Variants in ANKFN1 observed in about 807,000 individuals in gnomAD.
The protein encoded by ANKFN1 is ankyrin repeat and fibronectin type III domain containing 1, also known as ankyrin repeat and fibronectin type-III domain-containing protein 1.
ANKFN1 carries 74 observed loss-of-function variants against 108.7 expected under a neutral mutation model. The observed-to-expected ratio is 0.68, with a 90% confidence interval of 0.56 to 0.83. The LOEUF (loss-of-function observed/expected upper bound fraction) is 0.83. Among genes scored for constraint, ANKFN1 ranks in the 40% least tolerant of loss-of-function variants. ANKFN1 has a pLI of 0.00. For synonymous variants in ANKFN1, 547 were observed against 516.2 expected (o/e 1.06, Z -0.81); for missense variants, 1,505 against 1,382.3 (o/e 1.09, Z -1.41).
At chr17:56,048,022 C>T (rs1309662425) in intron 4 of ANKFN1, among the ~76,000 whole-genome samples, 1 of 152,220 alleles carries the variant, frequency 6.6e-6, no homozygotes, top group Admixed American at 6.5e-5. Flanking sequence ...CCTGTGCCAT[C>T]TCCCAATCTT....
chr17:56,224,723 T>G (rs975763335), intron 2 of ANKFN1: 3 of 152,116 alleles, frequency 2.0e-5, no homozygotes, highest in African/African-American at 4.8e-5. Flanking sequence ...AATCCCCTGG[T>G]TGAGCACTTG....
intron 4 of ANKFN1, among the ~76,000 whole-genome samples, chr17:56,141,148 A>G (rs1262013671): frequency 6.6e-6 from 1 of 152,166 alleles, no homozygotes; most frequent in South Asian, 2.1e-4. Context: ...GTGTGCTACA[A>G]TCCACCTCTC....
At chr17:56,503,199 G>A (rs752020335) in intron 20 of ANKFN1, among the ~76,000 whole-genome samples, 23 of 151,922 alleles carry the variant, frequency 1.5e-4, no homozygotes, top group Admixed American at 4.6e-4. Context: ...TAGAGGGGAG[G>A]GGGGTGTTGT....
At chr17:56,429,797 G>A (rs556465940) in intron 8 of ANKFN1, among the ~76,000 whole-genome samples, 1 of 152,338 alleles carries the variant, frequency 6.6e-6, no homozygotes, top group East Asian at 1.9e-4. Context: ...AACTGTTGTA[G>A]GAGTATGGAT....
intron 14 of ANKFN1, among the ~76,000 whole-genome samples, chr17:56,463,055 T>G (rs2049964381): frequency 6.6e-6 from 1 of 152,236 alleles, no homozygotes; most frequent in South Asian, 2.1e-4. Context: ...CACCTTGTTT[T>G]CTGGGTTTCT....
chr17:56,448,288 A>C (rs1214414916), intron 10 of ANKFN1, among the ~76,000 whole-genome samples: 1 of 152,156 alleles, frequency 6.6e-6, no homozygotes. Flanking sequence ...GAAAAAAAAA[A>C]CAAAAAAACA....
At chr17:56,241,201 G>A (rs1052598695) in intron 3 of ANKFN1, among the ~76,000 whole-genome samples, 2 of 152,076 alleles carry the variant, frequency 1.3e-5, no homozygotes, top group Non-Finnish European at 2.9e-5. Flanking sequence ...TTGAGCCTAA[G>A]AGTTCAAGTC....
chr17:56,175,933 G>T (rs1329336792), intron 1 of ANKFN1, among the ~76,000 whole-genome samples: 1 of 151,754 alleles, frequency 6.6e-6, no homozygotes, highest in African/African-American at 2.4e-5. Flanking sequence ...GTAGGGGGGT[G>T]GGGGAGTTGG....
In ANKFN1 at chr17:56,480,704, T is replaced by C. The variant is rs781343091; in HGVS notation, c.1977T>C (p.Ser659=). The C allele has an allele frequency of 6.2e-7, 1 of 1,614,026 alleles. No homozygotes were observed. Among genetic ancestry groups the C allele is most frequent in the Non-Finnish European group, 8.5e-7 (1 of 1,179,924 alleles). Residue 659 remains serine, a synonymous_variant, in exon 17 of 21, where the codon TCT becomes TCC. Transcript: ENST00000682825. ...AATGGATCCAAAAGCTTTCTGGCTC[T>C]GAATCTATGGAAAGTGTGGATCATA... The part of the protein sequence containing the change: ...EWEWIQKLSG[S]ESMESVDHTS...
At chr17:56,441,469 A>G (rs1321531982) in intron 9 of ANKFN1, among the ~76,000 whole-genome samples, 1 of 152,102 alleles carries the variant, frequency 6.6e-6, no homozygotes, top group Non-Finnish European at 1.5e-5. Flanking sequence ...TCGCATATCT[A>G]TACCAGGGGC....
At chr17:56,223,059 T>C (rs182084900) in intron 2 of ANKFN1, among the ~76,000 whole-genome samples, 8 of 152,316 alleles carry the variant, frequency 5.3e-5, no homozygotes, top group African/African-American at 1.9e-4. Context: ...TGACTTGGAA[T>C]CTGTGTCCAC....
At chr17:56,066,648 G>A (rs908217535) in intron 4 of ANKFN1, among the ~76,000 whole-genome samples, 5 of 152,058 alleles carry the variant, frequency 3.3e-5, no homozygotes, top group African/African-American at 9.7e-5. Flanking sequence ...AGGTTCAATA[G>A]TGTTAAGTAC....
At chr17:56,098,689 C>T (rs1905581837) in intron 4 of ANKFN1, among the ~76,000 whole-genome samples, 1 of 152,118 alleles carries the variant, frequency 6.6e-6, no homozygotes, top group African/African-American at 2.4e-5. Context: ...AAAGCCTTCC[C>T]CTTTAACTGC....
intron 4 of ANKFN1, among the ~76,000 whole-genome samples, chr17:56,113,435 C>A (rs1368493501): frequency 6.6e-6 from 1 of 152,090 alleles, no homozygotes; most frequent in Admixed American, 6.6e-5. Flanking sequence ...TAAAAGTTAG[C>A]AAGATAAAAG....
chr17:56,211,758 G>C (rs1442025658), intron 1 of ANKFN1, among the ~76,000 whole-genome samples: 5 of 152,232 alleles, frequency 3.3e-5, no homozygotes. Context: ...GTTTCCATTT[G>C]TGTCATCCAT....
chr17:56,468,596 C>T (rs4572471), intron 15 of ANKFN1, among the ~76,000 whole-genome samples: 1 of 150,906 alleles, frequency 6.6e-6, no homozygotes, highest in Non-Finnish European at 1.5e-5. Context: ...ATCTGACCTT[C>T]CGTCCTGGGA....
At chr17:56,422,841 A>G (rs1598581858) in intron 8 of ANKFN1, among the ~76,000 whole-genome samples, 1 of 152,248 alleles carries the variant, frequency 6.6e-6, no homozygotes, top group East Asian at 1.9e-4. Flanking sequence ...CCAAAGCCGC[A>G]TAACTCTTTT....
At position 56,492,189 on chromosome 17, in the gene ANKFN1, C is replaced by A. The variant is rs1177633990; in HGVS notation, c.2263C>A (p.His755Asn). 2.9e-6 allele frequency: 2 copies of A among 697,414 alleles called. No homozygotes were observed. The highest frequency in any genetic ancestry group is 3.0e-5 in the South Asian group (2 of 67,246). The allele number at this position is 697,414 out of a possible 1,614,324, so 43.2% of individuals were successfully genotyped here. A position where few individuals can be genotyped will look rare whatever the true frequency, so the allele number is the denominator to read the frequency against. Residue 755 changes from histidine (H) to asparagine (N), a missense_variant and splice_region_variant, in exon 19 of 21, where the codon CAT (histidine) becomes AAT (asparagine). Transcript: ENST00000682825. ...NLPLQMFELV[H>N]FCSYREKFIS... ...TATTTTGCTTGTCCATTTTCCAGTTCATTTTTGCAGCTACAGAGAGAAATT... is the reference window on the plus strand; with the variant it reads ...TATTTTGCTTGTCCATTTTCCAGTTAATTTTTGCAGCTACAGAGAGAAATT...
intron 1 of ANKFN1, among the ~76,000 whole-genome samples, chr17:56,188,838 A>G (rs1912561531): frequency 6.6e-6 from 1 of 151,808 alleles, no homozygotes; most frequent in African/African-American, 2.4e-5. Context: ...AGATGGCTTC[A>G]GGATGGGGGC....
Sources: gnomAD v4.1 joint callset for allele counts (sites outside exome capture counted in the v4.1 genomes callset) on GRCh38, gnomAD v4.1.1 for gene constraint, MANE v1.5 for transcripts, NCBI Gene and HGNC (gene_info 2026-07-23, HGNC 2026-07-21) for gene names.